The following PHACTR1 variants were observed in gnomAD, a reference collection of about 807,000 sequenced individuals.
PHACTR1 encodes phosphatase and actin regulator 1, also known as RPEL repeat containing 1.
PHACTR1 carries 16 observed loss-of-function variants against 69.2 expected under a neutral mutation model. The ratio of observed to expected loss-of-function variants is 0.23; its 90% CI spans 0.16 to 0.35. PHACTR1 has a LOEUF of 0.35. Among genes scored for constraint, PHACTR1 ranks in the 10% least tolerant of loss-of-function variants. PHACTR1 has a pLI of 1.00. For missense variants in PHACTR1, 510 were observed against 734.7 expected, an observed-to-expected ratio of 0.69 and a Z score of 3.54; for synonymous variants, 312 against 284.5, an observed-to-expected ratio of 1.10 and a Z score of -0.97.
At chr6:12,724,564 A>G (rs534106164) in intron 3 of PHACTR1, among the ~76,000 whole-genome samples, 10 of 152,278 alleles carry the variant, frequency 6.6e-5, no homozygotes, top group Admixed American at 2.6e-4. Context: ...CCAAAGCCCA[A>G]GCTATTTTGT....
intron 5 of PHACTR1, among the ~76,000 whole-genome samples, chr6:13,151,111 G>A (rs191217770): frequency 1.3e-4 from 20 of 152,300 alleles, no homozygotes; most frequent in African/African-American, 4.3e-4. Flanking sequence ...AAGGATAAAA[G>A]CTATAGATTT....
At chr6:12,763,863 G>C (rs1159148864) in intron 4 of PHACTR1, among the ~76,000 whole-genome samples, 1 of 151,986 alleles carries the variant, frequency 6.6e-6, no homozygotes, top group African/African-American at 2.4e-5. Context: ...TAAGACCTTT[G>C]GTGGCAAGGG....
intron 4 of PHACTR1, among the ~76,000 whole-genome samples, chr6:12,803,869 A>C (rs1370160066): frequency 6.6e-6 from 1 of 152,238 alleles, no homozygotes; most frequent in Non-Finnish European, 1.5e-5. Context: ...CCTGGGAGAC[A>C]AAGTTGCCCC....
At chr6:13,050,812 C>T (rs1583137571) in intron 4 of PHACTR1, among the ~76,000 whole-genome samples, 1 of 152,312 alleles carries the variant, frequency 6.6e-6, no homozygotes, top group South Asian at 2.1e-4. Context: ...AAAATCATCA[C>T]ATTGACCTAG....
At chr6:13,073,262 T>A (rs1344977026) in intron 5 of PHACTR1, among the ~76,000 whole-genome samples, 1 of 147,286 alleles carries the variant, frequency 6.8e-6, no homozygotes, top group Non-Finnish European at 1.5e-5. Flanking sequence ...AATAGTTGAA[T>A]GTTTCTTAGG....
intron 4 of PHACTR1, among the ~76,000 whole-genome samples, chr6:12,838,836 G>A (rs1778420128): frequency 6.6e-6 from 1 of 152,060 alleles, no homozygotes; most frequent in South Asian, 2.1e-4. Flanking sequence ...AGTCAGCCTG[G>A]GCAGTTTGGC....
intron 6 of PHACTR1, among the ~76,000 whole-genome samples, chr6:13,166,361 C>T (rs146884235): frequency 6.6e-6 from 1 of 152,202 alleles, no homozygotes; most frequent in Non-Finnish European, 1.5e-5. Flanking sequence ...TATCTCTCCT[C>T]ACTTCATAAG....
At chr6:13,232,490 A>G (rs1039595907) in intron 10 of PHACTR1, among the ~76,000 whole-genome samples, 2 of 152,228 alleles carry the variant, frequency 1.3e-5, no homozygotes, top group African/African-American at 4.8e-5. Flanking sequence ...CATTGACTGA[A>G]GTAACATGGC....
chr6:13,084,049 A>T (rs1272415014), intron 5 of PHACTR1, among the ~76,000 whole-genome samples: 2 of 152,162 alleles, frequency 1.3e-5, no homozygotes, highest in Non-Finnish European at 2.9e-5. Context: ...ATTATAAATC[A>T]TGCTGCTATA....
At chr6:13,142,882 T>C (rs543351743) in intron 5 of PHACTR1, among the ~76,000 whole-genome samples, 1 of 152,164 alleles carries the variant, frequency 6.6e-6, no homozygotes, top group Admixed American at 6.5e-5. Context: ...ACAAATTGTA[T>C]TGGTAATTAA....
At chr6:12,952,725 A>T (rs1791439254) in intron 4 of PHACTR1, among the ~76,000 whole-genome samples, 1 of 152,218 alleles carries the variant, frequency 6.6e-6, no homozygotes, top group Non-Finnish European at 1.5e-5. Context: ...CTTTGTGTAG[A>T]TACCAAGGAA....
chr6:13,083,121 A>G (rs1300163025), intron 5 of PHACTR1, among the ~76,000 whole-genome samples: 1 of 152,168 alleles, frequency 6.6e-6, no homozygotes, highest in Non-Finnish European at 1.5e-5. Flanking sequence ...TAATTTTTGT[A>G]TAAGGTGTAA....
intron 4 of PHACTR1, among the ~76,000 whole-genome samples, chr6:12,795,108 T>C (rs533359296): frequency 6.6e-6 from 1 of 152,276 alleles, no homozygotes; most frequent in South Asian, 2.1e-4. Flanking sequence ...TCTATATTTC[T>C]AACAAGCTCC....
chr6:13,287,176 T>A lies in PHACTR1; in HGVS notation c.*98T>A. On this transcript the variant is annotated 3_prime_UTR_variant, in exon 15 of 15. Coordinates refer to ENST00000332995, the MANE Select transcript of PHACTR1 (RefSeq NM_030948.6). ...ATTCACTTCCCCATTACGATGTAAA[T>A]CTTCTGAACTGCCTTTTTTTTAAAA... is the stretch of plus-strand genomic sequence containing the variant. The A allele has an allele frequency of 8.6e-7, 1 of 1,158,722 alleles. No individual in the cohort carries two copies. The highest frequency in any genetic ancestry group is 2.7e-5 in the East Asian group (1 of 37,276). The allele number at this position is 1,158,722 out of a possible 1,614,324, so 71.8% of individuals were successfully genotyped here.
chr6:13,268,731 C>T (rs1333334716), intron 10 of PHACTR1, among the ~76,000 whole-genome samples: 1 of 152,172 alleles, frequency 6.6e-6, no homozygotes, highest in Non-Finnish European at 1.5e-5. Flanking sequence ...CCTTACAATG[C>T]CACCATATCA....
intron 5 of PHACTR1, among the ~76,000 whole-genome samples, chr6:13,092,665 A>C (rs1260764766): frequency 6.6e-6 from 1 of 152,244 alleles, no homozygotes; most frequent in East Asian, 1.9e-4. Flanking sequence ...TTTACCTACA[A>C]CTACTCAGTC....
At chr6:13,114,967 T>TAG (rs1325056417) in intron 5 of PHACTR1, among the ~76,000 whole-genome samples, 1 of 152,210 alleles carries the variant, frequency 6.6e-6, no homozygotes, top group South Asian at 2.1e-4. Flanking sequence ...ACCTATTTTA[T>TAG]GTATAAGAAA....
At chr6:12,852,226 T>C (rs549556101) in intron 4 of PHACTR1, among the ~76,000 whole-genome samples, 1 of 152,322 alleles carries the variant, frequency 6.6e-6, no homozygotes, top group Admixed American at 6.5e-5. Flanking sequence ...TACCAGTAAA[T>C]TGACGAGGGC....
At chr6:13,069,041 A>G (rs1019384624) in intron 5 of PHACTR1, among the ~76,000 whole-genome samples, 1 of 152,200 alleles carries the variant, frequency 6.6e-6, no homozygotes, top group Non-Finnish European at 1.5e-5. Flanking sequence ...AAAACCACAG[A>G]GACAGATGTG....
Sources: allele counts gnomAD v4.1 joint callset (sites outside exome capture counted in the v4.1 genomes callset), GRCh38; gene constraint gnomAD v4.1.1; transcripts MANE v1.5; gene names NCBI Gene and HGNC (gene_info 2026-07-23, HGNC 2026-07-21).